Variants in KDM5C observed in about 807,000 individuals in gnomAD.
KDM5C encodes lysine demethylase 5C, also known as lysine-specific demethylase 5C.
Under a neutral mutation model 110.6 loss-of-function variants are expected in KDM5C, and 16 were observed. That is an observed-to-expected ratio of 0.14 (90% CI 0.10 to 0.22). KDM5C has a LOEUF of 0.22. KDM5C is among the 10% of genes least tolerant of loss of function. The probability of loss-of-function intolerance (pLI) is 1.00; values close to 1 mark genes in which losing one functional copy is unlikely to be tolerated. For synonymous variants in KDM5C, 511 were observed against 520.4 expected, an observed-to-expected ratio of 0.98 and a Z score of 0.24; for missense variants, 681 against 1,300.9, an observed-to-expected ratio of 0.52 and a Z score of 7.33.
chrX:53,200,906 G>C (rs1311770044), intron 14 of KDM5C, among the ~76,000 whole-genome samples: 1 of 112,242 alleles, frequency 8.9e-6, no homozygotes, highest in Non-Finnish European at 1.9e-5. Context: ...ACCACCTTCA[G>C]CTTGGTAATA....
In KDM5C at chrX:53,195,424, C is replaced by A; in HGVS notation, c.3121-14G>T. 2 of 1,191,695 alleles carry A rather than the reference C, an allele frequency of 1.7e-6. No individual in the cohort carries two copies. The highest frequency in any genetic ancestry group is 2.3e-6 in the Non-Finnish European group (2 of 882,122). ...GTGGTCACCATTCTAAGGCCAAGGG[C>A]GAGAGACAGCTCAGTTCAACTTGCC... On this transcript the variant is annotated splice_polypyrimidine_tract_variant and intron_variant, in intron 20 of 25. Coordinates refer to ENST00000375401, the MANE Select transcript of KDM5C (RefSeq NM_004187.5).
chrX:53,216,318 G>C, intron 5 of KDM5C, 121 bp from the exon 6 acceptor site: 2 of 1,029,722 alleles, frequency 1.9e-6, no homozygotes, highest in Non-Finnish European at 2.7e-6. Flanking sequence ...GGCACAGATG[G>C]GCTAAGCCAA....
rs1556831192 is a variant in KDM5C at position 53,192,242 on chromosome X, A to G, written c.*725T>C. On this transcript the variant is annotated 3_prime_UTR_variant, in exon 26 of 26. Transcript: ENST00000375401. ...TTAAAATAGGCTTCAGTTGGAACCAAGTTTCTTGTTTTGCTTTTTTTTTTC... is the reference window on the plus strand; with the variant it reads ...TTAAAATAGGCTTCAGTTGGAACCAGGTTTCTTGTTTTGCTTTTTTTTTTC... The G allele has an allele frequency of 5.8e-6, 1 of 172,894 alleles. No individual in the cohort carries two copies. Among genetic ancestry groups the G allele is most frequent in the East Asian group, 8.1e-5 (1 of 12,370 alleles). 14.2% of individuals were successfully genotyped at this position (172,894 alleles called of 1,213,427 possible). A position where few individuals can be genotyped will look rare whatever the true frequency, so the allele number is the denominator to read the frequency against.
At position 53,224,731 on chromosome X, in the gene KDM5C, G is replaced by A. The variant is rs1441657499; in HGVS notation, c.150+9C>T. On this transcript the variant is annotated intron_variant, in intron 1 of 25. Coordinates refer to ENST00000375401, the MANE Select transcript of KDM5C (RefSeq NM_004187.5). Reference sequence around the variant, plus strand: ...CTCGCCGCCGGCGAAAACCGGCCCCGGGGCTTACCGCGGGTGGGCGGATCT... The same window carrying A: ...CTCGCCGCCGGCGAAAACCGGCCCCAGGGCTTACCGCGGGTGGGCGGATCT... The A allele has an allele frequency of 1.7e-6, 2 of 1,210,321 alleles. No homozygotes were observed. The highest frequency in any genetic ancestry group is 5.9e-5 in the East Asian group (2 of 33,769).
chrX:53,193,947 C>T, intron 23 of KDM5C, 96 bp from the exon 24 acceptor site: 1 of 976,317 alleles, frequency 1.0e-6, no homozygotes, highest in Non-Finnish European at 1.4e-6. Flanking sequence ...CCTCCGCCTT[C>T]TGGAGGAGGA....
chrX:53,196,538 G>A (rs1467013722), intron 19 of KDM5C, 148 bp downstream of exon 19: 7 of 520,706 alleles, frequency 1.3e-5, no homozygotes, highest in East Asian at 3.3e-5. Flanking sequence ...TTAAAAAAAC[G>A]ACAAGATAGA....
chrX:53,187,356 T>C (rs1934248853), downstream of KDM5C, among the ~76,000 whole-genome samples: 1 of 112,015 alleles, frequency 8.9e-6, no homozygotes, highest in African/African-American at 3.2e-5. Flanking sequence ...CTGCCTTTCA[T>C]GAAAAAGGAA....
At chrX:53,188,789 C>T (rs1489422948), downstream of KDM5C, among the ~76,000 whole-genome samples, 3 of 111,953 alleles carry the variant, frequency 2.7e-5, no homozygotes, top group Non-Finnish European at 5.6e-5. Context: ...CTCCTTCTAT[C>T]TCTAGCTCAT....
At chrX:53,210,639 C>G in intron 11 of KDM5C, 37 bp downstream of exon 11, 6 of 1,210,018 alleles carry the variant, frequency 5.0e-6, no homozygotes, top group Non-Finnish European at 6.7e-6. Context: ...GGAGCCCACA[C>G]TGACTTGATT....
rs2146947863 is a variant in KDM5C at position 53,217,294 on chromosome X, G to C, written c.523-17C>G. On this transcript the variant is annotated splice_polypyrimidine_tract_variant and intron_variant, in intron 4 of 25. Coordinates refer to ENST00000375401, the MANE Select transcript of KDM5C (RefSeq NM_004187.5). ...GTTACACTGCTGGGGACAGGTAAGG[G>C]GTAAGGGTCAGGACATGGACTCCAG... is the stretch of plus-strand genomic sequence containing the variant. The C allele has an allele frequency of 2.5e-6, 3 of 1,209,988 alleles. No individual in the cohort carries two copies. The East Asian group carries it at 8.9e-5, about 36-fold the overall frequency.
chrX:53,205,975 ACT>A lies in KDM5C; in HGVS notation c.1747-4004_1747-4003del, dbSNP rs1270586328. On this transcript the variant is annotated intron_variant, in intron 12 of 25. Transcript: ENST00000375401. ...CCAGGAGTAGAACTTGATGCTCATA[ACT>A]CTGTCTCACCCTGCACCCTGATGCT... is the stretch of plus-strand genomic sequence containing the variant. Among the ~76,000 whole-genome samples the A allele has an allele frequency of 1.3e-4, 15 of 112,099 alleles. 1 individual carries two copies. The highest frequency in any genetic ancestry group is 3.9e-4 in the African/African-American group (12 of 30,911).
chrX:53,201,029 C>T, intron 14 of KDM5C, among the ~76,000 whole-genome samples: 1 of 112,733 alleles, frequency 8.9e-6, no homozygotes, highest in Non-Finnish European at 1.9e-5. Context: ...CCAATAATAG[C>T]AGCTGCAACA....
rs1556839779 is a variant in KDM5C, at chrX:53,198,688, G to A, written c.2369-51C>T. 5 of 1,211,308 alleles carry A rather than the reference G, an allele frequency of 4.1e-6. No individual in the cohort carries two copies. The Admixed American group carries it at 8.7e-5, about 21-fold the overall frequency. The stretch of plus-strand genomic sequence containing the variant: ...GAGTAGGCAGTATTGAATAGAGGCA[G>A]AGGAAGGGGGTCAGAGTACAGAAGA... On this transcript the variant is annotated intron_variant, in intron 16 of 25. Coordinates refer to ENST00000375401, the MANE Select transcript of KDM5C (RefSeq NM_004187.5).
intron 14 of KDM5C, chrX:53,201,189 C>T (rs1556841464): frequency 3.7e-5 from 9 of 245,522 alleles, no homozygotes; most frequent in Non-Finnish European, 3.7e-5. Flanking sequence ...AGATAATCAG[C>T]AGTGAGGTTT....
intron 3 of KDM5C, 119 bp from the exon 4 acceptor site, chrX:53,218,085 G>A (rs781983918): frequency 7.0e-4 from 633 of 902,305 alleles, no homozygotes; most frequent in Non-Finnish European, 9.2e-4. Context: ...CTTCACTGGG[G>A]GCTATCCCCT....
At position 53,220,109 on chromosome X, in the gene KDM5C, G is replaced by T. The variant is rs139601248; in HGVS notation, c.228+730C>A. On this transcript the variant is annotated intron_variant, in intron 2 of 25. Coordinates refer to ENST00000375401, the MANE Select transcript of KDM5C (RefSeq NM_004187.5). ...GCCCCACCCCTTGGACATCTATTAA[G>T]ATTTGTGGGTACATAATAATGGGGG... Among the ~76,000 whole-genome samples the T allele has an allele frequency of 4.4e-3, 495 of 111,891 alleles. 3 individuals carry two copies. Among genetic ancestry groups the T allele is most frequent in the African/African-American group, 0.015 (466 of 30,800 alleles).
At chrX:53,195,651 GC>G (rs1934786947) in intron 20 of KDM5C, among the ~76,000 whole-genome samples, 1 of 111,284 alleles carries the variant, frequency 9.0e-6, no homozygotes, top group Non-Finnish European at 1.9e-5. Flanking sequence ...TCTCCTCCAT[GC>G]CCCTGCCCTG....
chrX:53,192,861 A>ACCCCCCCCACCCCCCCC lies in KDM5C; in HGVS notation c.*105_*106insGGGGGGGGTGGGGGGGG. ...GGGTGGGCGGGTAGCAGGGATGGCC[A>ACCCCCCCCACCCCCCCC]CCCCCCTACCCGCCCACCCCCCAAG... is the stretch of plus-strand genomic sequence containing the variant. On this transcript the variant is annotated 3_prime_UTR_variant, in exon 26 of 26. Transcript: ENST00000375401. 2.0e-6 allele frequency: 1 copy of ACCCCCCCCACCCCCCCC among 502,015 alleles called. No individual in the cohort carries two copies. Among genetic ancestry groups the ACCCCCCCCACCCCCCCC allele is most frequent in the Non-Finnish European group, 2.9e-6 (1 of 347,657 alleles). The allele number at this position is 502,015 out of a possible 1,213,427, so 41.4% of individuals were successfully genotyped here.
intron 12 of KDM5C, chrX:53,202,181 AG>A: frequency 2.4e-6 from 1 of 416,446 alleles, no homozygotes; most frequent in Non-Finnish European, 4.1e-6. Context: ...GGAAGATTTG[AG>A]ATTAAAAAAT....
Sources: allele counts gnomAD v4.1 joint callset (sites outside exome capture counted in the v4.1 genomes callset), GRCh38; gene constraint gnomAD v4.1.1; transcripts MANE v1.5; gene names NCBI Gene and HGNC (gene_info 2026-07-23, HGNC 2026-07-21).